COL4A5: variants seen among roughly 807,000 people sequenced by gnomAD.
COL4A5 encodes collagen type IV alpha 5 chain.
A neutral mutation model predicts 130.2 loss-of-function variants in COL4A5; 26 were observed. That is an observed-to-expected ratio of 0.20 (90% CI 0.15 to 0.28). The LOEUF (loss-of-function observed/expected upper bound fraction) is 0.28, where lower values mean the gene tolerates loss of function less well. COL4A5 is among the 10% of genes least tolerant of loss of function. The pLI is 1.00. For missense variants in COL4A5, 1,131 were observed against 1,344.3 expected (o/e 0.84, Z 2.48); for synonymous variants, 496 against 439.6 (o/e 1.13, Z -1.60).
chrX:108,687,967 G>T (rs978019042), intron 49 of COL4A5, among the ~76,000 whole-genome samples: 1 of 112,189 alleles, frequency 8.9e-6, no homozygotes, highest in Non-Finnish European at 1.9e-5. Flanking sequence ...CTTTTAGTTA[G>T]ATTAGTTATT....
At chrX:108,606,616 TCTC>T in intron 28 of COL4A5, 123 bp from the exon 29 acceptor site, 2 of 719,271 alleles carry the variant, frequency 2.8e-6, no homozygotes, top group Non-Finnish European at 4.4e-6. Flanking sequence ...TTAATTATCT[TCTC>T]CTCTCCCCCC....
rs104886244 is a variant in COL4A5 at position 108,667,165 on chromosome X, G to A, written c.3586G>A (p.Gly1196Arg). 1 of 1,206,191 alleles carries A rather than the reference G, an allele frequency of 8.3e-7. No homozygotes were observed. The highest frequency in any genetic ancestry group is 1.1e-6 in the Non-Finnish European group (1 of 890,818). The change falls in exon 40 of 53, where the codon GGA becomes AGA. Residue 1196 changes from glycine to arginine, a missense_variant. Transcript: ENST00000328300. The stretch of plus-strand genomic sequence containing the variant: ...AGGCTTTGGAAACCCAGGACCCCCT[G>A]GACTTCCAGGACTTTCTGGTAAACC... Reference protein sequence around the residue: ...QPGFGNPGPPGLPGLSGQKGD... With the variant: ...QPGFGNPGPPRLPGLSGQKGD...
chrX:108,601,520 A>G (rs1456633048), intron 26 of COL4A5, 35 bp downstream of exon 26: 4 of 766,315 alleles, frequency 5.2e-6, no homozygotes, highest in South Asian at 2.3e-5. Context: ...TAACTTCAAC[A>G]CCGATGGCTT....
At chrX:108,538,320 A>G (rs919275700) in intron 1 of COL4A5, among the ~76,000 whole-genome samples, 3 of 111,944 alleles carry the variant, frequency 2.7e-5, no homozygotes, top group African/African-American at 9.7e-5. Flanking sequence ...ATAACCCCCA[A>G]ACATCTATGA....
At chrX:108,659,439 A>G (rs1569504628) in intron 37 of COL4A5, among the ~76,000 whole-genome samples, 1 of 111,017 alleles carries the variant, frequency 9.0e-6, no homozygotes, top group Non-Finnish European at 1.9e-5. Flanking sequence ...AATCTTGTGT[A>G]TTCTTACCAA....
chrX:108,440,175 T>G lies in COL4A5; in HGVS notation c.50T>G (p.Leu17Arg), dbSNP rs1299791698. The G allele has an allele frequency of 8.3e-7, 1 of 1,207,263 alleles. No individual in the cohort carries two copies. The highest frequency in any genetic ancestry group is 3.0e-5 in the East Asian group (1 of 33,732). ...GCTGCCGGCTTGTTCTTACTGGCCCTGAGTCTTTGGGGGCAGCCTGCAGAG... is the reference window on the plus strand; with the variant it reads ...GCTGCCGGCTTGTTCTTACTGGCCCGGAGTCTTTGGGGGCAGCCTGCAGAG... ...SLAAGLFLLALSLWGQPAEAA... is the reference protein window; with the variant it reads ...SLAAGLFLLARSLWGQPAEAA... The change falls in exon 1 of 53, where the codon CTG (leucine) becomes CGG (arginine). Residue 17 changes from leucine (L) to arginine (R), a missense_variant. Leu to Arg is a moderately radical substitution (Grantham distance 102). Transcript: ENST00000328300.
rs1054365127 is a variant in COL4A5, at chrX:108,627,478, A to G, written c.3246+1129A>G. 9.4e-6 allele frequency: 7 copies of G among 743,976 alleles called. No homozygotes were observed. In the African/African-American group the frequency reaches 1.6e-4, roughly 17 times the overall value. The allele number at this position is 743,976 out of a possible 1,213,427, so 61.3% of individuals were successfully genotyped here. On this transcript the variant is annotated intron_variant, in intron 36 of 52. Transcript: ENST00000328300. ...TACTCTGTACCTTGCTTTATCACTTACCCCTTTTTATTTCTTTTTTCAATA... is the reference window on the plus strand; with the variant it reads ...TACTCTGTACCTTGCTTTATCACTTGCCCCTTTTTATTTCTTTTTTCAATA...
rs184684656 is a variant in COL4A5, at chrX:108,643,260, G to A, written c.3247-12071G>A. The stretch of plus-strand genomic sequence containing the variant: ...AAGAATAATCGGTGTTTCTGAGGAA[G>A]AAGAGAAATCTAAAAGTTTGGAAAA... On this transcript the variant is annotated intron_variant, in intron 36 of 52. Coordinates refer to ENST00000328300, the MANE Select transcript of COL4A5 (RefSeq NM_033380.3). 5.3e-3 allele frequency among the ~76,000 whole-genome samples: 596 copies of A among 111,911 alleles called. 2 individuals are homozygous for A. Among genetic ancestry groups the A allele is most frequent in the African/African-American group, 0.019 (571 of 30,832 alleles).
intron 37 of COL4A5, among the ~76,000 whole-genome samples, chrX:108,662,235 G>T (rs1253939336): frequency 9.1e-6 from 1 of 109,467 alleles, no homozygotes; most frequent in Non-Finnish European, 1.9e-5. Flanking sequence ...CATGTCCTTT[G>T]TAGGGACATG....
chrX:108,473,633 A>ATATATATATATATATATATTT, intron 1 of COL4A5, among the ~76,000 whole-genome samples: 22 of 34,550 alleles, frequency 6.4e-4, no homozygotes, highest in Non-Finnish European at 1.0e-3. Context: ...ATATATATAT[A>ATATATATATATATATATATTT]TTTTTTTTTT....
intron 43 of COL4A5, 24 bp downstream of exon 43, chrX:108,674,777 CTTTTTTT>C (rs200814705): frequency 3.7e-5 from 36 of 980,974 alleles, no homozygotes; most frequent in Non-Finnish European, 4.8e-5. Context: ...CTGGTCAATT[CTTTTTTT>C]TTTTTTTTTT....
chrX:108,482,570 C>T (rs1336074329), intron 1 of COL4A5, among the ~76,000 whole-genome samples: 1 of 111,307 alleles, frequency 9.0e-6, no homozygotes, highest in Non-Finnish European at 1.9e-5. Flanking sequence ...ATCAGGGTCT[C>T]CCCACACATC....
At position 108,525,935 on chromosome X, in the gene COL4A5, C is replaced by A. The variant is rs756267032; in HGVS notation, c.82-13811C>A. Among the ~76,000 whole-genome samples, 5 of 111,733 alleles carry A rather than the reference C, an allele frequency of 4.5e-5. No individual in the cohort carries two copies. The South Asian group carries it at 1.5e-3, about 34-fold the overall frequency. ...TTCTATGAGCAAGTTAGAGTGAGGG[C>A]AACCAGATCAAATACTCCTGGGCTG... On this transcript the variant is annotated intron_variant, in intron 1 of 52. Transcript: ENST00000328300.
chrX:108,692,394 G>A (rs759776917), intron 49 of COL4A5, among the ~76,000 whole-genome samples: 1 of 111,130 alleles, frequency 9.0e-6, no homozygotes, highest in Non-Finnish European at 1.9e-5. Flanking sequence ...CCTGGAGCAC[G>A]AAATATTGAT....
intron 1 of COL4A5, among the ~76,000 whole-genome samples, chrX:108,480,450 A>G (rs2064878225): frequency 8.9e-6 from 1 of 112,911 alleles, no homozygotes; most frequent in Non-Finnish European, 1.9e-5. Context: ...AATGTCATCA[A>G]CATAATGGAC....
rs1461125652 is a variant in COL4A5, at chrX:108,602,121, A to G, written c.2146+132A>G. The stretch of plus-strand genomic sequence containing the variant: ...TCTGTGCTATAAAGAATGTAAATAA[A>G]AAATCACAGTGTATTTTCACTGTAA... On this transcript the variant is annotated intron_variant, in intron 27 of 52. Coordinates refer to ENST00000328300, the MANE Select transcript of COL4A5 (RefSeq NM_033380.3). The G allele has an allele frequency of 9.1e-6, 4 of 440,955 alleles. No individual in the cohort carries two copies. In the East Asian group the frequency reaches 1.3e-4, roughly 14 times the overall value. 36.3% of individuals were successfully genotyped at this position (440,955 alleles called of 1,213,427 possible).
rs190755938 is a variant in COL4A5, at chrX:108,483,081, G to A, written c.81+42875G>A. Among the ~76,000 whole-genome samples, 71 of 111,211 alleles carry A rather than the reference G, an allele frequency of 6.4e-4. 1 individual carries two copies. The highest frequency in any genetic ancestry group is 3.2e-3 in the Admixed American group (33 of 10,418). ...GCATTTTGGGGTCTAATCATATTAA[G>A]CAGCCAACTCCAGAAACCTCCAAAA... On this transcript the variant is annotated intron_variant, in intron 1 of 52. Coordinates refer to ENST00000328300, the MANE Select transcript of COL4A5 (RefSeq NM_033380.3).
chrX:108,590,730 A>G (rs1013719834), intron 19 of COL4A5, among the ~76,000 whole-genome samples: 1 of 111,918 alleles, frequency 8.9e-6, no homozygotes, highest in African/African-American at 3.2e-5. Flanking sequence ...AGCCATGTTT[A>G]TATGGTAACT....
intron 1 of COL4A5, among the ~76,000 whole-genome samples, chrX:108,448,229 T>C (rs1041738294): frequency 1.8e-5 from 2 of 112,445 alleles, no homozygotes; most frequent in African/African-American, 6.5e-5. Flanking sequence ...AACTTTTTTA[T>C]TTTAATGAAT....
Sources: allele counts gnomAD v4.1 joint callset (sites outside exome capture counted in the v4.1 genomes callset), GRCh38; gene constraint gnomAD v4.1.1; transcripts MANE v1.5; gene names NCBI Gene and HGNC (gene_info 2026-07-23, HGNC 2026-07-21).